The following TTLL5 variants were observed in gnomAD, a reference collection of about 807,000 sequenced individuals.
TTLL5 encodes tubulin polyglutamylase TTLL5.
TTLL5 carries 132 observed loss-of-function variants against 168.4 expected under a neutral mutation model. The ratio of observed to expected loss-of-function variants is 0.78; its 90% CI spans 0.68 to 0.91. The LOEUF is 0.91. Ranked by LOEUF, TTLL5 falls within the 40% of genes least tolerant of loss-of-function variation. The pLI is 0.00. For missense variants in TTLL5, 1,545 were observed against 1,581.5 expected (o/e 0.98, Z 0.39); for synonymous variants, 546 against 558.6 (o/e 0.98, Z 0.32).
At chr14:75,909,069 C>T (rs1015524932) in intron 31 of TTLL5, among the ~76,000 whole-genome samples, 1 of 152,178 alleles carries the variant, frequency 6.6e-6, no homozygotes, top group Non-Finnish European at 1.5e-5. Context: ...TGAACCACCA[C>T]ACCTGGCCAT....
At chr14:75,773,727 A>G (rs956154186) in intron 21 of TTLL5, among the ~76,000 whole-genome samples, 10 of 151,068 alleles carry the variant, frequency 6.6e-5, no homozygotes, top group African/African-American at 2.4e-4. Flanking sequence ...CGTCTCTACT[A>G]AAATACAAAA....
At chr14:75,946,327 A>G (rs995582214) in intron 31 of TTLL5, among the ~76,000 whole-genome samples, 7 of 152,270 alleles carry the variant, frequency 4.6e-5, no homozygotes, top group Non-Finnish European at 1.0e-4. Context: ...TTTTACCTTT[A>G]TATAGTTAAC....
At chr14:75,902,724 G>C (rs898037774) in intron 31 of TTLL5, 7 of 421,652 alleles carry the variant, frequency 1.7e-5, no homozygotes, top group African/African-American at 1.2e-4. Flanking sequence ...GTTACTGACA[G>C]CCTGAAGCCT....
chr14:75,830,434 T>A lies in TTLL5; in HGVS notation c.3326+10273T>A, dbSNP rs190038086. ...CTTGAAAATCACTAAGAGAGTAGAT[T>A]TTAACTCTTCTCAGCACACACAAAA... On this transcript the variant is annotated intron_variant, in intron 28 of 31. Transcript: ENST00000298832. Among the ~76,000 whole-genome samples, 20 of 152,324 alleles carry A rather than the reference T, an allele frequency of 1.3e-4. 1 individual carries two copies. In the East Asian group the frequency reaches 3.9e-3, roughly 29 times the overall value.
At chr14:75,672,715 C>A (rs1883840141) in intron 3 of TTLL5, among the ~76,000 whole-genome samples, 3 of 152,080 alleles carry the variant, frequency 2.0e-5, no homozygotes, top group Admixed American at 6.6e-5. Context: ...TCTATTTCTT[C>A]TTGAGTCAGT....
At chr14:75,947,748 C>T (rs2034820351) in intron 31 of TTLL5, among the ~76,000 whole-genome samples, 1 of 151,858 alleles carries the variant, frequency 6.6e-6, no homozygotes, top group African/African-American at 2.4e-5. Context: ...AGTTTGAGAC[C>T]AGTCTGGGCA....
chr14:75,711,659 G>A (rs1479927914), intron 9 of TTLL5: 1 of 152,262 alleles, frequency 6.6e-6, no homozygotes, highest in African/African-American at 2.4e-5. Context: ...GGTGGGAAGA[G>A]AGGATTCTGG....
At position 75,793,055 on chromosome 14, in the gene TTLL5, G is replaced by C; in HGVS notation, c.3126G>C (p.Ala1042=). The C allele has an allele frequency of 1.2e-6, 2 of 1,613,740 alleles. No individual in the cohort carries two copies. Among genetic ancestry groups the C allele is most frequent in the Non-Finnish European group, 1.7e-6 (2 of 1,179,778 alleles). ...ELQRLAEKQA[A]RQYSPSSHIN... is the part of the protein sequence containing the mutation. ...AGCGGCTAGCTGAGAAGCAGGCAGCGAGACAGTATTCTCCATCCAGCCACA... is the reference window on the plus strand; with the variant it reads ...AGCGGCTAGCTGAGAAGCAGGCAGCCAGACAGTATTCTCCATCCAGCCACA... The change falls in exon 27 of 32, where the codon GCG becomes GCC. Residue 1042 remains alanine, a synonymous_variant. Coordinates refer to ENST00000298832, the MANE Select transcript of TTLL5 (RefSeq NM_015072.5).
intron 9 of TTLL5, among the ~76,000 whole-genome samples, chr14:75,715,264 C>CTTTTTTT (rs1201985101): frequency 1.1e-4 from 15 of 130,946 alleles, no homozygotes; most frequent in South Asian, 2.5e-4. Flanking sequence ...CACCATCTTC[C>CTTTTTTT]TTTTTTTTTT....
chr14:75,680,323 C>G (rs1176117953), intron 3 of TTLL5, among the ~76,000 whole-genome samples: 1 of 152,152 alleles, frequency 6.6e-6, no homozygotes, highest in Non-Finnish European at 1.5e-5. Context: ...AGAGTGTGGC[C>G]TGTCCTGAAT....
intron 31 of TTLL5, among the ~76,000 whole-genome samples, chr14:75,942,872 A>G (rs1188444180): frequency 1.3e-5 from 2 of 152,200 alleles, no homozygotes; most frequent in African/African-American, 4.8e-5. Context: ...TTTTTAGGGT[A>G]GTTCTGAATA....
chr14:75,779,746 A>G, intron 24 of TTLL5, 44 bp downstream of exon 24: 1 of 1,563,620 alleles, frequency 6.4e-7, no homozygotes, highest in Non-Finnish European at 8.7e-7. Flanking sequence ...AGAACAAGTG[A>G]AGAAATGAGA....
rs377468714 is a variant in TTLL5 at position 75,792,905 on chromosome 14, C to G, written c.2987-11C>G. The G allele has an allele frequency of 6.6e-7, 1 of 1,521,694 alleles. No individual in the cohort carries two copies. The allele number at this position is 1,521,694 out of a possible 1,614,324, so 94.3% of individuals were successfully genotyped here. A position where few individuals can be genotyped will look rare whatever the true frequency, so the allele number is the denominator to read the frequency against. On this transcript the variant is annotated splice_polypyrimidine_tract_variant and intron_variant, in intron 26 of 31. Transcript: ENST00000298832. ...TCCTAAATGAGTGAAAACTTTTCTCCGTTTTAGCAGGATCGTGCTATCTAA... is the reference window on the plus strand; with the variant it reads ...TCCTAAATGAGTGAAAACTTTTCTCGGTTTTAGCAGGATCGTGCTATCTAA...
At chr14:75,925,208 G>A (rs1437177725) in intron 31 of TTLL5, among the ~76,000 whole-genome samples, 6 of 147,258 alleles carry the variant, frequency 4.1e-5, no homozygotes, top group African/African-American at 1.0e-4. Flanking sequence ...CCTCCCTCCC[G>A]GACGGGGCGG....
At chr14:75,725,769 C>T (rs1888153931) in intron 12 of TTLL5, among the ~76,000 whole-genome samples, 1 of 152,204 alleles carries the variant, frequency 6.6e-6, no homozygotes, top group Non-Finnish European at 1.5e-5. Flanking sequence ...AAAGGACACT[C>T]CTTTTGCTCT....
At chr14:75,777,987 AC>A (rs1165954169) in intron 23 of TTLL5, among the ~76,000 whole-genome samples, 5 of 151,282 alleles carry the variant, frequency 3.3e-5, no homozygotes, top group Non-Finnish European at 7.4e-5. Context: ...AAAAAAAAAA[AC>A]AAAAAACAGA....
At chr14:75,910,978 G>A (rs1272947234) in intron 31 of TTLL5, among the ~76,000 whole-genome samples, 1 of 152,032 alleles carries the variant, frequency 6.6e-6, no homozygotes, top group Non-Finnish European at 1.5e-5. Flanking sequence ...AAACTTGAAT[G>A]CAGGGTTTTT....
At chr14:75,767,199 TAC>T (rs1891020152) in intron 20 of TTLL5, among the ~76,000 whole-genome samples, 1 of 149,908 alleles carries the variant, frequency 6.7e-6, no homozygotes, top group African/African-American at 2.5e-5. Flanking sequence ...GGTGTGATAA[TAC>T]AGTCATTCAT....
At chr14:75,694,947 T>C (rs1238478398) in intron 6 of TTLL5, among the ~76,000 whole-genome samples, 1 of 152,186 alleles carries the variant, frequency 6.6e-6, no homozygotes, top group African/African-American at 2.4e-5. Flanking sequence ...ACTGCACAAA[T>C]TGTTCGTAAA....
Sources: allele counts gnomAD v4.1 joint callset (sites outside exome capture counted in the v4.1 genomes callset), GRCh38; gene constraint gnomAD v4.1.1; transcripts MANE v1.5; gene names NCBI Gene and HGNC (gene_info 2026-07-23, HGNC 2026-07-21).